The following ZNF627 variants were observed in gnomAD, a reference collection of about 807,000 sequenced individuals.
ZNF627 encodes the protein zinc finger protein 627.
Under a neutral mutation model 10.6 loss-of-function variants are expected in ZNF627, and 12 were observed. The ratio of observed to expected loss-of-function variants is 1.13; its 90% CI spans 0.73 to 1.84. The LOEUF is 1.84. Among genes scored for constraint, ZNF627 ranks in the 40% most tolerant of loss-of-function variants. ZNF627 has a pLI of 0.00. For missense variants in ZNF627, 504 were observed against 568.4 expected, an observed-to-expected ratio of 0.89 and a Z score of 1.15; for synonymous variants, 176 against 187.1, an observed-to-expected ratio of 0.94 and a Z score of 0.48.
chr19:11,613,386 G>A (rs1599662454), intron 1 of ZNF627, among the ~76,000 whole-genome samples: 1 of 150,418 alleles, frequency 6.6e-6, no homozygotes, highest in African/African-American at 2.4e-5. Flanking sequence ...CCTGCCATAA[G>A]CAGGAAGCAA....
intron 1 of ZNF627, among the ~76,000 whole-genome samples, chr19:11,612,536 C>G (rs1599661629): frequency 6.7e-6 from 1 of 149,856 alleles, no homozygotes; most frequent in Admixed American, 6.7e-5. Flanking sequence ...ATTCTTCTGC[C>G]TCAGCCTCCC....
At chr19:11,609,471 T>TTATATATACATATA (rs1973729568) in intron 1 of ZNF627, among the ~76,000 whole-genome samples, 8 of 54,014 alleles carry the variant, frequency 1.5e-4, no homozygotes, top group Non-Finnish European at 3.0e-4. Flanking sequence ...TTAAAAAATT[T>TTATATATACATATA]TATATATATA....
intron 1 of ZNF627, among the ~76,000 whole-genome samples, chr19:11,609,263 C>A (rs1308480256): frequency 6.6e-6 from 1 of 151,888 alleles, no homozygotes; most frequent in South Asian, 2.1e-4. Context: ...ACTATACTCA[C>A]CTTGTTGTGC....
intron 1 of ZNF627, among the ~76,000 whole-genome samples, chr19:11,603,761 A>G (rs1302982913): frequency 6.6e-6 from 1 of 152,172 alleles, no homozygotes; most frequent in South Asian, 2.1e-4. Context: ...TGAACAGATA[A>G]TACTTAGAGT....
intron 1 of ZNF627, among the ~76,000 whole-genome samples, chr19:11,600,598 C>T (rs565831276): frequency 6.6e-6 from 1 of 152,108 alleles, no homozygotes; most frequent in East Asian, 1.9e-4. Context: ...AAACTCTCTT[C>T]TATCATGACT....
intron 1 of ZNF627, among the ~76,000 whole-genome samples, chr19:11,606,557 G>A: frequency 6.6e-6 from 1 of 152,138 alleles, no homozygotes; most frequent in East Asian, 1.9e-4. Context: ...CCATTCTGGG[G>A]TTCTTGAGGA....
At chr19:11,607,847 C>G (rs1380928265) in intron 1 of ZNF627, among the ~76,000 whole-genome samples, 1 of 152,172 alleles carries the variant, frequency 6.6e-6, no homozygotes, top group Non-Finnish European at 1.5e-5. Context: ...TCCGAGTCCT[C>G]CAAACTGTTC....
intron 1 of ZNF627, among the ~76,000 whole-genome samples, chr19:11,606,458 G>A (rs1454139122): frequency 6.6e-6 from 1 of 152,208 alleles, no homozygotes; most frequent in East Asian, 1.9e-4. Context: ...GCTTTGCAAG[G>A]TACAGCCCCC....
intron 1 of ZNF627, among the ~76,000 whole-genome samples, chr19:11,604,568 G>A (rs1032708776): frequency 6.6e-6 from 1 of 152,168 alleles, no homozygotes; most frequent in Non-Finnish European, 1.5e-5. Context: ...TTCAGACTTG[G>A]GTGGGCCCAG....
intron 1 of ZNF627, among the ~76,000 whole-genome samples, chr19:11,610,913 C>T (rs758421684): frequency 6.6e-6 from 1 of 151,022 alleles, no homozygotes; most frequent in African/African-American, 2.4e-5. Context: ...AGTGCAGTGG[C>T]GTGATTTCAG....
chr19:11,610,155 A>T (rs955139790), intron 1 of ZNF627, among the ~76,000 whole-genome samples: 1 of 150,608 alleles, frequency 6.6e-6, no homozygotes, highest in Non-Finnish European at 1.5e-5. Context: ...GGGTTCAAGC[A>T]ATTCTTTTGA....
In ZNF627 at chr19:11,597,557, T is replaced by C; in HGVS notation, c.-71T>C. On this transcript the variant is annotated 5_prime_UTR_variant, in exon 1 of 4. Coordinates refer to ENST00000361113, the MANE Select transcript of ZNF627 (RefSeq NM_145295.4). ...GGCCCAAGGTGTCTCCGCCGCAGCCTCTGTCGCGCCGTGACCTGTACAGGT... is the reference window on the plus strand; with the variant it reads ...GGCCCAAGGTGTCTCCGCCGCAGCCCCTGTCGCGCCGTGACCTGTACAGGT... 3.8e-6 allele frequency: 5 copies of C among 1,302,366 alleles called. No individual in the cohort carries two copies. Among genetic ancestry groups the C allele is most frequent in the Non-Finnish European group, 3.9e-6 (4 of 1,016,462 alleles). 80.7% of individuals were successfully genotyped at this position (1,302,366 alleles called of 1,614,324 possible). A position where few individuals can be genotyped will look rare whatever the true frequency, so the allele number is the denominator to read the frequency against.
chr19:11,612,192 C>A (rs1973782922), intron 1 of ZNF627, among the ~76,000 whole-genome samples: 1 of 144,566 alleles, frequency 6.9e-6, no homozygotes, highest in African/African-American at 2.6e-5. Flanking sequence ...GCGATCTCAG[C>A]TCACTGCAAG....
At position 11,617,906 on chromosome 19, in the gene ZNF627, A is replaced by G. The variant is rs1278341268; in HGVS notation, c.*17A>G. 6.0e-6 allele frequency: 9 copies of G among 1,507,804 alleles called. No homozygotes were observed. The highest frequency in any genetic ancestry group is 7.9e-6 in the Non-Finnish European group (9 of 1,137,774). 93.4% of individuals were successfully genotyped at this position (1,507,804 alleles called of 1,614,324 possible). Reference sequence around the variant, plus strand: ...CTTTCATGAGCATGAAAGGAGTCACATAGAGAAACCCCATGAAAGTAAGAA... The same window carrying G: ...CTTTCATGAGCATGAAAGGAGTCACGTAGAGAAACCCCATGAAAGTAAGAA... On this transcript the variant is annotated 3_prime_UTR_variant, in exon 4 of 4. Coordinates refer to ENST00000361113, the MANE Select transcript of ZNF627 (RefSeq NM_145295.4).
intron 1 of ZNF627, among the ~76,000 whole-genome samples, chr19:11,606,772 A>C (rs12978186): frequency 0.42 from 63,275 of 152,160 alleles, 13,472 homozygotes; most frequent in Non-Finnish European, 0.47. Context: ...CCAAACCTCA[A>C]TTCTTGTCTT....
At chr19:11,601,084 A>G (rs1045429900) in intron 1 of ZNF627, among the ~76,000 whole-genome samples, 1 of 152,182 alleles carries the variant, frequency 6.6e-6, no homozygotes, top group Non-Finnish European at 1.5e-5. Flanking sequence ...GCCTTCAAAG[A>G]GAGGACATTA....
intron 1 of ZNF627, among the ~76,000 whole-genome samples, chr19:11,606,353 G>A (rs1438442146): frequency 6.6e-6 from 1 of 151,474 alleles, no homozygotes; most frequent in Non-Finnish European, 1.5e-5. Flanking sequence ...AAAAAAGAAA[G>A]AAAAAAAGAA....
intron 1 of ZNF627, among the ~76,000 whole-genome samples, chr19:11,609,463 A>T (rs1314117877): frequency 5.0e-5 from 4 of 80,568 alleles, no homozygotes; most frequent in Admixed American, 1.4e-4. Flanking sequence ...GTAGTCTTTT[A>T]AAAAATTTTA....
At chr19:11,607,453 C>T (rs1159100410) in intron 1 of ZNF627, among the ~76,000 whole-genome samples, 1 of 152,030 alleles carries the variant, frequency 6.6e-6, no homozygotes, top group Admixed American at 6.6e-5. Flanking sequence ...TTTTCTGTTC[C>T]ATTGTCAGGC....
Sources: allele counts gnomAD v4.1 joint callset (sites outside exome capture counted in the v4.1 genomes callset), GRCh38; gene constraint gnomAD v4.1.1; transcripts MANE v1.5; gene names NCBI Gene and HGNC (gene_info 2026-07-23, HGNC 2026-07-21).